Variants in TMEM117 observed in about 807,000 individuals in gnomAD.
The protein encoded by TMEM117 is transmembrane protein 117.
A neutral mutation model predicts 52.4 loss-of-function variants in TMEM117; 27 were observed. That is an observed-to-expected ratio of 0.51 (90% CI 0.38 to 0.71). The LOEUF (loss-of-function observed/expected upper bound fraction) is 0.71, where lower values mean the gene tolerates loss of function less well. Among genes scored for constraint, TMEM117 ranks in the 30% least tolerant of loss-of-function variants. The pLI is 0.00. For synonymous variants in TMEM117, 215 were observed against 206.3 expected, an observed-to-expected ratio of 1.04 and a Z score of -0.36; for missense variants, 556 against 630.5, an observed-to-expected ratio of 0.88 and a Z score of 1.26.
chr12:44,388,613 A>G lies in TMEM117; in HGVS notation c.1486A>G (p.Thr496Ala). Residue 496 changes from threonine (T) to alanine (A), a missense_variant, in exon 8 of 8, where the codon ACT (threonine) becomes GCT (alanine). Around this residue, in one of 3 missense-constraint regions of TMEM117, gnomAD observed 206 missense variants for 211.1 expected, o/e 0.98. Transcript: ENST00000266534. ...ENLSSQLNES[T>A]SATEADQDPT... ...CTTGAGCTCACAGTTGAACGAATCT[A>G]CTAGTGCAACAGAAGCTGATCAAGA... 1.2e-6 allele frequency: 2 copies of G among 1,613,468 alleles called. No individual in the cohort carries two copies. Among genetic ancestry groups the G allele is most frequent in the Non-Finnish European group, 1.7e-6 (2 of 1,179,546 alleles).
chr12:44,276,908 A>ATGTGTGTG (rs754059220), intron 5 of TMEM117, among the ~76,000 whole-genome samples: 6,061 of 143,690 alleles, frequency 0.042, 411 homozygotes, highest in African/African-American at 0.14. Flanking sequence ...GTGTGTGTGT[A>ATGTGTGTG]TGTGTGTGTG....
At chr12:43,966,124 TACC>T (rs1945481614) in intron 3 of TMEM117, among the ~76,000 whole-genome samples, 1 of 152,208 alleles carries the variant, frequency 6.6e-6, no homozygotes, top group African/African-American at 2.4e-5. Flanking sequence ...GGTATATGTG[TACC>T]ACATTTTCTT....
At chr12:44,242,971 A>G (rs1485928004) in intron 5 of TMEM117, among the ~76,000 whole-genome samples, 4 of 151,810 alleles carry the variant, frequency 2.6e-5, no homozygotes, top group Non-Finnish European at 5.9e-5. Flanking sequence ...GTGGTATCTC[A>G]CTGTGGTTTT....
intron 6 of TMEM117, among the ~76,000 whole-genome samples, chr12:44,328,661 A>C (rs141466651): frequency 1.3e-5 from 2 of 152,204 alleles, no homozygotes; most frequent in East Asian, 3.9e-4. Context: ...AAATTTTTCA[A>C]ATCTTTATCT....
chr12:44,045,601 T>G (rs1398523645), intron 3 of TMEM117, among the ~76,000 whole-genome samples: 1 of 152,112 alleles, frequency 6.6e-6, no homozygotes, highest in Non-Finnish European at 1.5e-5. Flanking sequence ...CTCAGGACTT[T>G]GGGAGGCTTG....
chr12:43,937,777 T>C (rs184244684), intron 2 of TMEM117, among the ~76,000 whole-genome samples: 2 of 152,284 alleles, frequency 1.3e-5, no homozygotes, highest in East Asian at 3.9e-4. Flanking sequence ...TAAGACATAC[T>C]GTGTGCCAGG....
At chr12:43,968,946 G>C (rs1023703797) in intron 3 of TMEM117, among the ~76,000 whole-genome samples, 1 of 152,122 alleles carries the variant, frequency 6.6e-6, no homozygotes, top group African/African-American at 2.4e-5. Context: ...GGATTTATGT[G>C]CATGTCCTTT....
intron 4 of TMEM117, among the ~76,000 whole-genome samples, chr12:44,152,737 A>G (rs1948768218): frequency 7.3e-6 from 1 of 137,528 alleles, no homozygotes; most frequent in Non-Finnish European, 1.5e-5. Context: ...ATATATTTAT[A>G]TTTATAATTA....
At chr12:44,136,630 G>A (rs1420608741) in intron 3 of TMEM117, among the ~76,000 whole-genome samples, 2 of 151,978 alleles carry the variant, frequency 1.3e-5, no homozygotes, top group South Asian at 4.1e-4. Flanking sequence ...GTTTGTGCCA[G>A]CAAATTGGTG....
intron 3 of TMEM117, among the ~76,000 whole-genome samples, chr12:43,968,472 G>A (rs1186577682): frequency 1.3e-5 from 2 of 152,208 alleles, no homozygotes; most frequent in Non-Finnish European, 2.9e-5. Flanking sequence ...ATGGATGGTT[G>A]TCTTTTGGGA....
At chr12:44,294,108 C>A (rs1950738472) in intron 5 of TMEM117, among the ~76,000 whole-genome samples, 1 of 152,104 alleles carries the variant, frequency 6.6e-6, no homozygotes, top group African/African-American at 2.4e-5. Flanking sequence ...TTCCTGAACA[C>A]TTTGAATATA....
At chr12:43,970,520 C>A (rs879616557) in intron 3 of TMEM117, among the ~76,000 whole-genome samples, 1 of 152,112 alleles carries the variant, frequency 6.6e-6, no homozygotes, top group Admixed American at 6.5e-5. Context: ...AATCTCCTGA[C>A]CTTGTGATCC....
intron 7 of TMEM117, among the ~76,000 whole-genome samples, chr12:44,381,511 A>G (rs1255779197): frequency 6.6e-6 from 1 of 152,160 alleles, no homozygotes; most frequent in Non-Finnish European, 1.5e-5. Context: ...GAAGTGTCCC[A>G]TTGGTGGCCA....
At chr12:44,311,560 T>C (rs1950975415) in intron 6 of TMEM117, among the ~76,000 whole-genome samples, 1 of 151,724 alleles carries the variant, frequency 6.6e-6, no homozygotes, top group African/African-American at 2.4e-5. Flanking sequence ...GAAGACTTGT[T>C]ATGGGGAAAG....
intron 2 of TMEM117, among the ~76,000 whole-genome samples, chr12:43,940,330 GCTCCATGTGAAAATCA>G (rs1282487313): frequency 6.6e-6 from 1 of 152,062 alleles, no homozygotes; most frequent in Non-Finnish European, 1.5e-5. Flanking sequence ...CTTTGCACAG[GCTCCATGTGAAAATCA>G]CTCCTAAAGA....
intron 2 of TMEM117, among the ~76,000 whole-genome samples, chr12:43,927,231 C>T (rs75288751): frequency 1.3e-5 from 2 of 151,894 alleles, no homozygotes; most frequent in African/African-American, 4.8e-5. Context: ...TTACTAATTT[C>T]TAATTGATTA....
chr12:44,247,066 C>G (rs1950139544), intron 5 of TMEM117, among the ~76,000 whole-genome samples: 1 of 152,192 alleles, frequency 6.6e-6, no homozygotes. Context: ...AAATTTGGCA[C>G]TCTTAAGAGT....
rs775346271 is a variant in TMEM117 at position 44,388,405 on chromosome 12, T to C, written c.1278T>C (p.Asn426=). 6.2e-7 allele frequency: 1 copy of C among 1,613,370 alleles called. No homozygotes were observed. Among genetic ancestry groups the C allele is most frequent in the Middle Eastern group, 1.7e-4 (1 of 6,060 alleles). The change falls in exon 8 of 8, where the codon AAT becomes AAC. Residue 426 remains asparagine (N), a synonymous_variant. Transcript: ENST00000266534. ...TGAAAAATGAGCCACGCATGGAGAA[T>C]CAAGACAAAACTTACACTCGCATGA... ...RFLKNEPRME[N]QDKTYTRMKR...
chr12:43,796,975 CCTTT>C, the TMEM117 span: 1 of 1,606,608 alleles, frequency 6.2e-7, no homozygotes, highest in Non-Finnish European at 8.5e-7. Context: ...AGGTGGGCTA[CCTTT>C]CTAATTACAT....
Sources: allele counts gnomAD v4.1 joint callset (sites outside exome capture counted in the v4.1 genomes callset), GRCh38; gene constraint gnomAD v4.1.1; regional missense constraint gnomAD v4.1.1; transcripts MANE v1.5; gene names NCBI Gene and HGNC (gene_info 2026-07-23, HGNC 2026-07-21).